ARSB: variants seen among roughly 807,000 people sequenced by gnomAD.
ARSB encodes N-acetylgalactosamine-4-sulfatase.
In ARSB, 41 loss-of-function variants were observed where a neutral mutation model predicts 50.9. The observed-to-expected ratio is 0.81, with a 90% confidence interval of 0.63 to 1.04. The LOEUF is 1.04. Among genes scored for constraint, ARSB ranks in the 50% least tolerant of loss-of-function variants. The pLI is 0.00. For missense variants in ARSB, 672 were observed against 693.3 expected (o/e 0.97, Z 0.35); for synonymous variants, 269 against 284.8 (o/e 0.94, Z 0.56).
rs1748820113 is a variant in ARSB at position 78,778,035 on chromosome 5, G to C, written c.*2362C>G. On this transcript the variant is annotated 3_prime_UTR_variant, in exon 8 of 8. Transcript: ENST00000264914. ...CTTCAAAACTCTTTTGAAGTCCACT[G>C]GGTGCAGAACATCCCCCACTGTGCC... 6.6e-6 allele frequency: 1 copy of C among 152,108 alleles called. No homozygotes were observed. Among genetic ancestry groups the C allele is most frequent in the Non-Finnish European group, 1.5e-5 (1 of 68,030 alleles). 9.4% of individuals were successfully genotyped at this position (152,108 alleles called of 1,614,324 possible).
chr5:78,817,095 C>G (rs1744019989), intron 6 of ARSB: 1 of 985,274 alleles, frequency 1.0e-6, no homozygotes, highest in South Asian at 4.7e-5. Flanking sequence ...GTAGCAGTAC[C>G]CTCCTTGTCT....
chr5:78,932,237 T>G (rs1382741669), intron 4 of ARSB, among the ~76,000 whole-genome samples: 1 of 152,218 alleles, frequency 6.6e-6, no homozygotes, highest in Non-Finnish European at 1.5e-5. Context: ...CCAGGGGTAT[T>G]ATGTCAGATA....
chr5:78,822,415 G>C (rs957393019), intron 6 of ARSB, among the ~76,000 whole-genome samples: 5 of 152,120 alleles, frequency 3.3e-5, no homozygotes, highest in African/African-American at 9.7e-5. Context: ...CAGAGATTTT[G>C]ACACTCTTGG....
At chr5:78,944,861 G>T (rs1751141144) in intron 4 of ARSB, among the ~76,000 whole-genome samples, 3 of 152,192 alleles carry the variant, frequency 2.0e-5, no homozygotes, top group Non-Finnish European at 4.4e-5. Context: ...GTTCAGCTAT[G>T]CCCTGCCCCC....
chr5:78,909,799 T>C (rs942229361), intron 4 of ARSB, among the ~76,000 whole-genome samples: 2 of 152,134 alleles, frequency 1.3e-5, no homozygotes, highest in Admixed American at 6.5e-5. Context: ...GGGTCTGTGC[T>C]GAGGAGGATT....
intron 4 of ARSB, among the ~76,000 whole-genome samples, chr5:78,941,004 C>A (rs1750888246): frequency 6.6e-6 from 1 of 151,404 alleles, no homozygotes; most frequent in African/African-American, 2.4e-5. Context: ...CTTCACATCC[C>A]TTGTAAGTTG....
At chr5:78,939,479 G>C (rs1750794470) in intron 4 of ARSB, among the ~76,000 whole-genome samples, 1 of 151,700 alleles carries the variant, frequency 6.6e-6, no homozygotes, top group Non-Finnish European at 1.5e-5. Context: ...TTCCCTTCCT[G>C]TGTCCATGTT....
At chr5:78,814,124 C>A (rs1013504350) in intron 6 of ARSB, among the ~76,000 whole-genome samples, 1 of 150,956 alleles carries the variant, frequency 6.6e-6, no homozygotes, top group Admixed American at 6.6e-5. Flanking sequence ...CTCTGTTTGA[C>A]TCTTCTGTGG....
At chr5:78,888,877 TA>T (rs1278309508) in intron 4 of ARSB, among the ~76,000 whole-genome samples, 1 of 152,246 alleles carries the variant, frequency 6.6e-6, no homozygotes, top group East Asian at 1.9e-4. Context: ...CCATTAGCAA[TA>T]AGCGATTCTA....
intron 4 of ARSB, among the ~76,000 whole-genome samples, chr5:78,951,914 A>T (rs1309161235): frequency 1.3e-5 from 2 of 152,204 alleles, no homozygotes; most frequent in Non-Finnish European, 1.5e-5. Context: ...ACAAAACCTG[A>T]CACAAAAAAG....
intron 5 of ARSB, among the ~76,000 whole-genome samples, chr5:78,851,572 A>AG (rs1158421442): frequency 6.6e-6 from 1 of 152,144 alleles, no homozygotes; most frequent in Non-Finnish European, 1.5e-5. Context: ...GATGTCTATT[A>AG]GGTCCGCTTG....
intron 1 of ARSB, among the ~76,000 whole-genome samples, chr5:78,969,775 CCTAA>C (rs1353751699): frequency 3.3e-5 from 5 of 152,120 alleles, no homozygotes; most frequent in African/African-American, 1.2e-4. Flanking sequence ...CACCACCATA[CCTAA>C]CTAATTTATT....
At chr5:78,965,050 T>A (rs1489910214) in intron 2 of ARSB, among the ~76,000 whole-genome samples, 1 of 152,200 alleles carries the variant, frequency 6.6e-6, no homozygotes, top group Admixed American at 6.5e-5. Context: ...TTCAAGGTTA[T>A]TTACAGAAGT....
chr5:78,824,660 C>T (rs1744363100), intron 6 of ARSB, among the ~76,000 whole-genome samples: 1 of 152,216 alleles, frequency 6.6e-6, no homozygotes, highest in South Asian at 2.1e-4. Context: ...GACCTGTTCA[C>T]AGCCTGCTGT....
chr5:78,885,399 T>C (rs1747967329), intron 5 of ARSB, 185 bp downstream of exon 5: 6 of 856,972 alleles, frequency 7.0e-6, no homozygotes, highest in Non-Finnish European at 1.0e-5. Context: ...AGGCCCACAA[T>C]CTCAAATTTA....
intron 6 of ARSB, among the ~76,000 whole-genome samples, chr5:78,791,197 C>T (rs1470524342): frequency 6.6e-6 from 1 of 152,150 alleles, no homozygotes; most frequent in Non-Finnish European, 1.5e-5. Flanking sequence ...CCCCAGCTGT[C>T]CCAGAAATTT....
intron 5 of ARSB, among the ~76,000 whole-genome samples, chr5:78,866,057 TG>T (rs1384460816): frequency 6.6e-6 from 1 of 152,234 alleles, no homozygotes; most frequent in African/African-American, 2.4e-5. Context: ...AGTTCCAAAG[TG>T]GCTTCCACAT....
At chr5:78,785,907 G>A (rs916615708) in intron 6 of ARSB, among the ~76,000 whole-genome samples, 1 of 152,234 alleles carries the variant, frequency 6.6e-6, no homozygotes, top group Non-Finnish European at 1.5e-5. Flanking sequence ...GGCTGCAGAA[G>A]AAGGGTCAGA....
At chr5:78,875,388 T>G (rs1181956186) in intron 5 of ARSB, among the ~76,000 whole-genome samples, 2 of 152,040 alleles carry the variant, frequency 1.3e-5, no homozygotes, top group Non-Finnish European at 2.9e-5. Context: ...CATTCAAACA[T>G]AAATACATTC....
Sources: gnomAD v4.1 joint callset for allele counts (sites outside exome capture counted in the v4.1 genomes callset) on GRCh38, gnomAD v4.1.1 for gene constraint, MANE v1.5 for transcripts, NCBI Gene and HGNC (gene_info 2026-07-23, HGNC 2026-07-21) for gene names.